The following CTNNA3 variants were observed in gnomAD, a reference collection of about 807,000 sequenced individuals.
CTNNA3 encodes the protein catenin alpha 3, also known as catenin alpha-3.
A neutral mutation model predicts 95.7 loss-of-function variants in CTNNA3; 76 were observed. The observed-to-expected ratio is 0.79, with a 90% CI of 0.66 to 0.96. The LOEUF (loss-of-function observed/expected upper bound fraction) is 0.96. Among genes scored for constraint, CTNNA3 ranks in the 40% least tolerant of loss-of-function variants. The pLI is 0.00. For missense variants in CTNNA3, 1,191 were observed against 1,089.8 expected (o/e 1.09, Z -1.31); for synonymous variants, 431 against 374.4 (o/e 1.15, Z -1.74).
chr10:67,240,044 A>AATAGCTT (rs1156255072), intron 5 of CTNNA3, among the ~76,000 whole-genome samples: 2 of 152,212 alleles, frequency 1.3e-5, no homozygotes, highest in African/African-American at 4.8e-5. Context: ...GCCCACATGG[A>AATAGCTT]ATAGCTCAGC....
intron 11 of CTNNA3, among the ~76,000 whole-genome samples, chr10:66,486,818 T>TACAC (rs373131708): frequency 0.016 from 2,294 of 140,862 alleles, 26 homozygotes; most frequent in Non-Finnish European, 0.019. Flanking sequence ...GATGAACAAA[T>TACAC]ACACACACAC....
At position 67,224,713 on chromosome 10, in the gene CTNNA3, G is replaced by A. The variant is rs886987895; in HGVS notation, c.580-4843C>T. On this transcript the variant is annotated intron_variant, in intron 5 of 17. Coordinates refer to ENST00000433211, the MANE Select transcript of CTNNA3 (RefSeq NM_013266.4). ...AGAGGAAGCAGCAGAAAGTCCCTAG[G>A]AGCTCGCTGGGTCCCCAGTCAGGCC... 3.3e-5 allele frequency among the ~76,000 whole-genome samples: 5 copies of A among 152,110 alleles called. No individual in the cohort carries two copies. In the East Asian group the frequency reaches 9.6e-4, roughly 29 times the overall value.
At chr10:66,846,995 A>C (rs1459131835) in intron 7 of CTNNA3, among the ~76,000 whole-genome samples, 1 of 152,164 alleles carries the variant, frequency 6.6e-6, no homozygotes, top group African/African-American at 2.4e-5. Flanking sequence ...GCAGCTTTTG[A>C]CTTTGAATAG....
chr10:66,500,200 T>A (rs1385642572), intron 11 of CTNNA3, among the ~76,000 whole-genome samples: 1 of 152,054 alleles, frequency 6.6e-6, no homozygotes, highest in Non-Finnish European at 1.5e-5. Context: ...CCATAAAAAA[T>A]TCAGCTATTC....
chr10:66,798,139 T>C (rs1841284676), intron 7 of CTNNA3, among the ~76,000 whole-genome samples: 1 of 151,834 alleles, frequency 6.6e-6, no homozygotes, highest in South Asian at 2.1e-4. Flanking sequence ...AATGAAGATT[T>C]AGATGAAATT....
intron 11 of CTNNA3, among the ~76,000 whole-genome samples, chr10:66,455,521 C>T (rs1248644725): frequency 1.3e-5 from 2 of 152,160 alleles, no homozygotes; most frequent in Non-Finnish European, 2.9e-5. Context: ...CCCCACTGCT[C>T]ATCAGCATAA....
chr10:67,299,144 G>A (rs1840164359), intron 5 of CTNNA3, among the ~76,000 whole-genome samples: 1 of 151,950 alleles, frequency 6.6e-6, no homozygotes, highest in Non-Finnish European at 1.5e-5. Flanking sequence ...TGATCCACTC[G>A]CCTTAGTTAT....
chr10:65,999,220 G>C (rs1359424960), intron 15 of CTNNA3, among the ~76,000 whole-genome samples: 1 of 151,868 alleles, frequency 6.6e-6, no homozygotes, highest in African/African-American at 2.4e-5. Flanking sequence ...CATCTCTAGA[G>C]AAAGTTCAAC....
chr10:66,160,132 T>C (rs957504138), intron 13 of CTNNA3, among the ~76,000 whole-genome samples: 2 of 152,000 alleles, frequency 1.3e-5, no homozygotes, highest in Admixed American at 6.6e-5. Flanking sequence ...GGACCCGTTT[T>C]TTGTTTTATT....
chr10:67,079,962 A>G (rs1245029100), intron 7 of CTNNA3, among the ~76,000 whole-genome samples: 1 of 152,016 alleles, frequency 6.6e-6, no homozygotes, highest in Non-Finnish European at 1.5e-5. Context: ...AGAGGAGTAA[A>G]ATAAAAAATT....
At chr10:66,678,293 A>T (rs868585214) in intron 9 of CTNNA3, among the ~76,000 whole-genome samples, 1 of 152,170 alleles carries the variant, frequency 6.6e-6, no homozygotes, top group Non-Finnish European at 1.5e-5. Context: ...ATCCTGACTC[A>T]GAAAGCCTTT....
chr10:67,429,422 C>T (rs1846032601), intron 5 of CTNNA3, among the ~76,000 whole-genome samples: 1 of 151,856 alleles, frequency 6.6e-6, no homozygotes, highest in Non-Finnish European at 1.5e-5. Context: ...TGTATAAAGA[C>T]CCAGAGTTCT....
chr10:66,928,060 C>G (rs774772603), intron 7 of CTNNA3: 2 of 1,614,074 alleles, frequency 1.2e-6, no homozygotes, highest in Non-Finnish European at 1.7e-6. Flanking sequence ...GACGTTTAAG[C>G]CCAAGCTCCC....
chr10:66,145,909 A>C (rs902157925), intron 13 of CTNNA3, among the ~76,000 whole-genome samples: 1 of 152,134 alleles, frequency 6.6e-6, no homozygotes, highest in Non-Finnish European at 1.5e-5. Flanking sequence ...GCTGGAGTGC[A>C]GTGGCATGAT....
chr10:66,051,695 G>A (rs555685862), intron 15 of CTNNA3, among the ~76,000 whole-genome samples: 2 of 152,236 alleles, frequency 1.3e-5, no homozygotes, highest in East Asian at 1.9e-4. Context: ...TATATTTAGT[G>A]TTCTCATTCC....
intron 5 of CTNNA3, among the ~76,000 whole-genome samples, chr10:67,473,198 C>A (rs1037510887): frequency 6.6e-6 from 1 of 152,100 alleles, no homozygotes; most frequent in Non-Finnish European, 1.5e-5. Flanking sequence ...TAAGATCATC[C>A]TTTTCTTTAA....
rs368211074 is a variant in CTNNA3 at position 67,180,329 on chromosome 10, C to G, written c.1035G>C (p.Glu345Asp). 6.2e-7 allele frequency: 1 copy of G among 1,613,350 alleles called. No individual in the cohort carries two copies. The highest frequency in any genetic ancestry group is 1.7e-5 in the Admixed American group (1 of 59,974). The change falls in exon 7 of 18, where the codon GAG (glutamate) becomes GAC (aspartate). Residue 345 changes from glutamate (E) to aspartate (D), a missense_variant. By Grantham distance (45) the Glu-to-Asp change is conservative. Transcript: ENST00000433211. ...IRQALQDLLS[E>D]YMNNAGKKER... Reference sequence around the variant, plus strand: ...ACCAGTCACCTACGTTGTTCATGTACTCTGAAAGCAGATCCTGAAGAGCCT... The same window carrying G: ...ACCAGTCACCTACGTTGTTCATGTAGTCTGAAAGCAGATCCTGAAGAGCCT...
chr10:66,199,223 T>C (rs2087155015), intron 13 of CTNNA3, among the ~76,000 whole-genome samples: 1 of 152,168 alleles, frequency 6.6e-6, no homozygotes, highest in South Asian at 2.1e-4. Flanking sequence ...AGCATAGAGC[T>C]AGTGGAAACA....
chr10:67,556,149 G>A (rs573119315), intron 3 of CTNNA3, among the ~76,000 whole-genome samples: 2 of 152,056 alleles, frequency 1.3e-5, no homozygotes, highest in Non-Finnish European at 2.9e-5. Context: ...TGCTGGATTC[G>A]GTTTGCCAAT....
Sources: allele counts gnomAD v4.1 joint callset (sites outside exome capture counted in the v4.1 genomes callset), GRCh38; gene constraint gnomAD v4.1.1; transcripts MANE v1.5; gene names NCBI Gene and HGNC (gene_info 2026-07-23, HGNC 2026-07-21).